The following FLVCR1 variants were observed in gnomAD, a reference collection of about 807,000 sequenced individuals.
The protein encoded by FLVCR1 is FLVCR choline and heme transporter 1, also known as choline/ethanolamine transporter FLVCR1.
Under a neutral mutation model 53.6 loss-of-function variants are expected in FLVCR1, and 34 were observed. That is an observed-to-expected ratio of 0.63 (90% CI 0.48 to 0.84). The LOEUF (loss-of-function observed/expected upper bound fraction) is 0.84, where lower values mean the gene tolerates loss of function less well. Ranked by LOEUF, FLVCR1 falls within the 40% of genes least tolerant of loss-of-function variation. FLVCR1 has a pLI of 0.00. For synonymous variants in FLVCR1, 300 were observed against 286.3 expected, an observed-to-expected ratio of 1.05 and a Z score of -0.48; for missense variants, 677 against 696.7, an observed-to-expected ratio of 0.97 and a Z score of 0.32.
chr1:212,894,140 A>C (rs1209502819), intron 8 of FLVCR1, among the ~76,000 whole-genome samples: 1 of 151,738 alleles, frequency 6.6e-6, no homozygotes, highest in African/African-American at 2.4e-5. Flanking sequence ...TGCTATTGCA[A>C]ACTTTAAATA....
At chr1:212,884,106 C>T (rs978479280) in intron 4 of FLVCR1, among the ~76,000 whole-genome samples, 1 of 152,140 alleles carries the variant, frequency 6.6e-6, no homozygotes, top group Admixed American at 6.6e-5. Flanking sequence ...TCGAGACCAG[C>T]CTGACCGACA....
In FLVCR1 at chr1:212,895,573, C is replaced by T. The variant is rs750792508; in HGVS notation, c.*283C>T. 1.0e-4 allele frequency: 41 copies of T among 405,958 alleles called. No individual in the cohort carries two copies. Among genetic ancestry groups the T allele is most frequent in the Middle Eastern group, 1.5e-3 (2 of 1,376 alleles). The allele number at this position is 405,958 out of a possible 1,614,324, so 25.1% of individuals were successfully genotyped here. A position where few individuals can be genotyped will look rare whatever the true frequency, so the allele number is the denominator to read the frequency against. On this transcript the variant is annotated 3_prime_UTR_variant, in exon 10 of 10. Coordinates refer to ENST00000366971, the MANE Select transcript of FLVCR1 (RefSeq NM_014053.4). ...TTGTATCTGAAAGTAAGCTTCTTGACGTTTACTTTTTAAAAGTCGATGTTT... is the reference window on the plus strand; with the variant it reads ...TTGTATCTGAAAGTAAGCTTCTTGATGTTTACTTTTTAAAAGTCGATGTTT...
intron 1 of FLVCR1, among the ~76,000 whole-genome samples, chr1:212,861,397 A>G (rs1664236058): frequency 6.6e-6 from 1 of 152,026 alleles, no homozygotes; most frequent in African/African-American, 2.4e-5. Flanking sequence ...GCTGAATAAT[A>G]TTTCTATATA....
chr1:212,881,274 T>G (rs1664917792), intron 3 of FLVCR1, among the ~76,000 whole-genome samples: 1 of 151,426 alleles, frequency 6.6e-6, no homozygotes, highest in Non-Finnish European at 1.5e-5. Context: ...GGAGACCATC[T>G]TTAGTATTCC....
intron 4 of FLVCR1, 139 bp downstream of exon 4, chr1:212,883,577 A>G: frequency 1.6e-6 from 1 of 629,064 alleles, no homozygotes; most frequent in East Asian, 2.8e-5. Context: ...AATTGAGAAT[A>G]TATTTGTTAA....
intron 5 of FLVCR1, among the ~76,000 whole-genome samples, chr1:212,886,857 A>G (rs12565233): frequency 0.22 from 33,798 of 151,960 alleles, 4,354 homozygotes; most frequent in East Asian, 0.43. Flanking sequence ...TGGAACCACC[A>G]AAAGGCTAAT....
At position 212,865,485 on chromosome 1, in the gene FLVCR1, A is replaced by ATTTTTTTT. The variant is rs58544929; in HGVS notation, c.883+1624_883+1631dup. On this transcript the variant is annotated intron_variant, in intron 2 of 9. Transcript: ENST00000366971. The stretch of plus-strand genomic sequence containing the variant: ...AATGGACCTTCCATTTGCAATAGGG[A>ATTTTTTTT]TTTTTTTTTTTTTTTGAGACAGAGT... 6.7e-5 allele frequency among the ~76,000 whole-genome samples: 9 copies of ATTTTTTTT among 133,656 alleles called. 2 individuals carry two copies. Among genetic ancestry groups the ATTTTTTTT allele is most frequent in the East Asian group, 2.3e-4 (1 of 4,428 alleles). The allele number at this position is 133,656 out of a possible 152,430, so 87.7% of individuals were successfully genotyped here.
chr1:212,884,554 A>G (rs1665009366), intron 4 of FLVCR1, among the ~76,000 whole-genome samples: 1 of 152,226 alleles, frequency 6.6e-6, no homozygotes, highest in Non-Finnish European at 1.5e-5. Flanking sequence ...AATATAGATA[A>G]ATAAATATCA....
At chr1:212,879,474 G>A (rs140784099) in intron 3 of FLVCR1, among the ~76,000 whole-genome samples, 67 of 152,170 alleles carry the variant, frequency 4.4e-4, no homozygotes, top group Middle Eastern at 6.8e-3. Context: ...ATAGAGCTTC[G>A]GGATCATATA....
intron 3 of FLVCR1, among the ~76,000 whole-genome samples, chr1:212,876,964 G>A (rs1256026476): frequency 1.3e-5 from 2 of 152,140 alleles, no homozygotes; most frequent in African/African-American, 4.8e-5. Context: ...CAGTGTAAAA[G>A]TGTTCCTTTT....
Position 212,858,339 on chromosome 1 carries a change from G to A in FLVCR1, c.-114G>A, listed in dbSNP as rs927598088. On this transcript the variant is annotated 5_prime_UTR_variant, in exon 1 of 10. Coordinates refer to ENST00000366971, the MANE Select transcript of FLVCR1 (RefSeq NM_014053.4). ...CGCGGCGCGCGCCACCGGGGAAGGAGCGGTGGGCCGAGGGGTTGGAGGTGG... is the reference window on the plus strand; with the variant it reads ...CGCGGCGCGCGCCACCGGGGAAGGAACGGTGGGCCGAGGGGTTGGAGGTGG... The A allele has an allele frequency of 9.6e-6, 10 of 1,041,330 alleles. No individual in the cohort carries two copies. Among genetic ancestry groups the A allele is most frequent in the Middle Eastern group, 3.2e-4 (1 of 3,116 alleles). The allele number at this position is 1,041,330 out of a possible 1,614,324, so 64.5% of individuals were successfully genotyped here.
At chr1:212,874,526 C>CTTTTTTTTTTTTTTTTTTTTTTTTT (rs61497441) in intron 3 of FLVCR1, among the ~76,000 whole-genome samples, 1 of 120,880 alleles carries the variant, frequency 8.3e-6, no homozygotes, top group African/African-American at 3.2e-5. Flanking sequence ...TTCTTTTTTT[C>CTTTTTTTTTTTTTTTTTTTTTTTTT]TTTTTTTTTT....
In FLVCR1 at chr1:212,888,479, A is replaced by C. The variant is rs202122689; in HGVS notation, c.1308-10A>C. ...TAGTTCTTTCTGTAATTCTGGATTT[A>C]TTTTCCTAGCTTCTTCATGACTGGT... On this transcript the variant is annotated splice_polypyrimidine_tract_variant and intron_variant, in intron 6 of 9. Coordinates refer to ENST00000366971, the MANE Select transcript of FLVCR1 (RefSeq NM_014053.4). The C allele has an allele frequency of 6.3e-7, 1 of 1,592,360 alleles. No homozygotes were observed. Among genetic ancestry groups the C allele is most frequent in the East Asian group, 2.2e-5 (1 of 44,720 alleles).
In FLVCR1 at chr1:212,872,782, A is replaced by T. The variant is rs1664640824; in HGVS notation, c.988A>T (p.Lys330Ter). Residue 330 changes from lysine to a stop codon, truncating the protein, a stop_gained, in exon 3 of 10, where the codon AAA becomes TAA. Coordinates refer to ENST00000366971, the MANE Select transcript of FLVCR1 (RefSeq NM_014053.4). LOFTEE classifies it high-confidence loss of function. ...TAAGAAATCAATAAGAAACCTGTTT[A>T]AAAACATTCCTTTTGTCCTTCTGTT... ...SYKKSIRNLFKNIPFVLLLIT... is the reference protein window; with the variant it reads ...SYKKSIRNLF 2 of 1,613,964 alleles carry T rather than the reference A, an allele frequency of 1.2e-6. No homozygotes were observed. Among genetic ancestry groups the T allele is most frequent in the Non-Finnish European group, 1.7e-6 (2 of 1,179,868 alleles).
chr1:212,864,036 A>G (rs1664336159), intron 2 of FLVCR1, among the ~76,000 whole-genome samples, 167 bp downstream of exon 2: 1 of 152,196 alleles, frequency 6.6e-6, no homozygotes, highest in Non-Finnish European at 1.5e-5. Context: ...TAGGGATGTT[A>G]TGGCCCACTA....
intron 2 of FLVCR1, among the ~76,000 whole-genome samples, chr1:212,866,240 C>T (rs955458380): frequency 1.2e-4 from 19 of 152,042 alleles, no homozygotes; most frequent in Non-Finnish European, 2.4e-4. Flanking sequence ...CCGCCTTGGC[C>T]TCCCAAAGTG....
At chr1:212,860,350 GTTT>G (rs567270153) in intron 1 of FLVCR1, among the ~76,000 whole-genome samples, 8 of 85,850 alleles carry the variant, frequency 9.3e-5, no homozygotes, top group South Asian at 1.0e-3. Context: ...TGTGTGTGTG[GTTT>G]TTTTTTTTTT....
chr1:212,860,350 G>GTTTTTTTTTTTTTTTTTCTT (rs1664188755), intron 1 of FLVCR1, among the ~76,000 whole-genome samples: 1 of 85,824 alleles, frequency 1.2e-5, no homozygotes. Flanking sequence ...TGTGTGTGTG[G>GTTTTTTTTTTTTTTTTTCTT]TTTTTTTTTT....
intron 2 of FLVCR1, chr1:212,864,441 G>A (rs536736351): frequency 3.2e-5 from 5 of 155,278 alleles, no homozygotes; most frequent in Non-Finnish European, 5.7e-5. Flanking sequence ...GAGTCCTCTC[G>A]TCTGAGCCTG....
Sources: gnomAD v4.1 joint callset for allele counts (sites outside exome capture counted in the v4.1 genomes callset) on GRCh38, gnomAD v4.1.1 for gene constraint, MANE v1.5 for transcripts, NCBI Gene and HGNC (gene_info 2026-07-23, HGNC 2026-07-21) for gene names.